The following EXOC6 variants were observed in gnomAD, a reference collection of about 807,000 sequenced individuals.
The protein encoded by EXOC6 is SEC15-like 1.
In EXOC6, 60 loss-of-function variants were observed where a neutral mutation model predicts 112.5. That is an observed-to-expected ratio of 0.53 (90% CI 0.43 to 0.66). The LOEUF (loss-of-function observed/expected upper bound fraction) is 0.66. Ranked by LOEUF, EXOC6 falls within the 30% of genes least tolerant of loss-of-function variation. The pLI is 0.00. For missense variants in EXOC6, 855 were observed against 957.1 expected, an observed-to-expected ratio of 0.89 and a Z score of 1.41; for synonymous variants, 295 against 308.0, an observed-to-expected ratio of 0.96 and a Z score of 0.44.
At chr10:92,941,999 G>A (rs1194951177) in intron 13 of EXOC6, among the ~76,000 whole-genome samples, 1 of 152,076 alleles carries the variant, frequency 6.6e-6, no homozygotes, top group Non-Finnish European at 1.5e-5. Flanking sequence ...AATATTTGAT[G>A]ATATTAAAAT....
intron 20 of EXOC6, among the ~76,000 whole-genome samples, chr10:93,016,898 C>T (rs905566521): frequency 1.3e-5 from 2 of 151,608 alleles, no homozygotes; most frequent in Non-Finnish European, 2.9e-5. Context: ...CTGCAAACTC[C>T]GCCTCCTGGG....
chr10:93,054,976 A>T (rs915699853), intron 20 of EXOC6, among the ~76,000 whole-genome samples: 31 of 152,316 alleles, frequency 2.0e-4, no homozygotes, highest in Admixed American at 6.5e-4. Context: ...AGTTAACCTT[A>T]ATCCCACCAC....
intron 18 of EXOC6, among the ~76,000 whole-genome samples, chr10:92,978,144 T>C (rs2134111597): frequency 6.6e-6 from 1 of 152,304 alleles, no homozygotes; most frequent in Non-Finnish European, 1.5e-5. Context: ...GTACGTTGGC[T>C]CACACCTATA....
At chr10:93,053,269 A>G (rs1846387517) in intron 20 of EXOC6, among the ~76,000 whole-genome samples, 2 of 152,228 alleles carry the variant, frequency 1.3e-5, no homozygotes, top group African/African-American at 4.8e-5. Context: ...AGGCATGGAT[A>G]GCTGCCTGTG....
intron 1 of EXOC6, among the ~76,000 whole-genome samples, chr10:92,827,967 T>G (rs1846413379): frequency 6.6e-6 from 1 of 152,200 alleles, no homozygotes; most frequent in Non-Finnish European, 1.5e-5. Flanking sequence ...CAAATCCTAG[T>G]CAGTAGCATA....
upstream of EXOC6, among the ~76,000 whole-genome samples, chr10:92,847,243 AAT>A (rs1847082532): frequency 6.6e-6 from 1 of 152,250 alleles, no homozygotes; most frequent in African/African-American, 2.4e-5. Context: ...ATGGGACAGC[AAT>A]ATGAGGCAGA....
intron 17 of EXOC6, among the ~76,000 whole-genome samples, chr10:92,956,936 A>G (rs1853725582): frequency 6.6e-6 from 1 of 152,124 alleles, no homozygotes; most frequent in Non-Finnish European, 1.5e-5. Context: ...GCCCAGAGCC[A>G]TTCACTGTAT....
At chr10:92,830,508 T>C (rs1846457807), upstream of EXOC6, among the ~76,000 whole-genome samples, 1 of 152,078 alleles carries the variant, frequency 6.6e-6, no homozygotes, top group Admixed American at 6.6e-5. Flanking sequence ...AAGATCAGCT[T>C]GGGGCAGGAT....
chr10:92,956,927 C>T (rs1012397057), intron 17 of EXOC6, among the ~76,000 whole-genome samples: 1 of 152,114 alleles, frequency 6.6e-6, no homozygotes, highest in Admixed American at 6.5e-5. Flanking sequence ...AGATACTTAG[C>T]CCAGAGCCAT....
At position 93,009,957 on chromosome 10, in the gene EXOC6, G is replaced by A. The variant is rs79885580; in HGVS notation, c.2096-4237G>A. On this transcript the variant is annotated intron_variant, in intron 19 of 21. Coordinates refer to ENST00000260762, the MANE Select transcript of EXOC6 (RefSeq NM_019053.6). ...ACTGGAAGAAGTGGATGGAGAGGTTGCACCAGAAGCAGGGAGATCAGATAG... is the reference window on the plus strand; with the variant it reads ...ACTGGAAGAAGTGGATGGAGAGGTTACACCAGAAGCAGGGAGATCAGATAG... Among the ~76,000 whole-genome samples, 3 of 152,338 alleles carry A rather than the reference G, an allele frequency of 2.0e-5. No individual in the cohort carries two copies. The East Asian group carries it at 5.8e-4, about 29-fold the overall frequency.
chr10:92,994,292 A>G (rs576773745), intron 18 of EXOC6, among the ~76,000 whole-genome samples: 4 of 152,350 alleles, frequency 2.6e-5, no homozygotes, highest in Admixed American at 2.6e-4. Context: ...CCTAGGAGCC[A>G]AATGTCTCTT....
chr10:93,019,929 C>T (rs1317554559), intron 20 of EXOC6, among the ~76,000 whole-genome samples: 7 of 152,226 alleles, frequency 4.6e-5, no homozygotes, highest in Admixed American at 2.0e-4. Context: ...CAGTGAAGTC[C>T]GTTTTTAAAA....
intron 1 of EXOC6, among the ~76,000 whole-genome samples, chr10:92,841,982 A>G (rs948996376): frequency 1.3e-5 from 2 of 152,176 alleles, no homozygotes; most frequent in African/African-American, 4.8e-5. Context: ...CAAGATCTGG[A>G]AAGTCCATGC....
At chr10:92,946,080 G>C (rs1852975368) in intron 13 of EXOC6, among the ~76,000 whole-genome samples, 1 of 151,824 alleles carries the variant, frequency 6.6e-6, no homozygotes, top group Non-Finnish European at 1.5e-5. Context: ...CACCAGGTCA[G>C]GAGATTGAGA....
rs118076762 is a variant in EXOC6 at position 92,885,948 on chromosome 10, C to T, written c.102-7401C>T. 7.9e-3 allele frequency among the ~76,000 whole-genome samples: 1,208 copies of T among 152,094 alleles called. 15 individuals carry two copies. The highest frequency in any genetic ancestry group is 0.013 in the South Asian group (61 of 4,820). On this transcript the variant is annotated intron_variant, in intron 1 of 21. Transcript: ENST00000260762. ...GGAGAATGGAAAGTTTACTAATTTT[C>T]TAATGTTCGCTCTTGCTGGTTCTAG...
intron 20 of EXOC6, among the ~76,000 whole-genome samples, chr10:93,038,431 T>C (rs1845619784): frequency 6.6e-6 from 1 of 152,224 alleles, no homozygotes; most frequent in African/African-American, 2.4e-5. Context: ...AGTCTAATTG[T>C]TTAAGCAGTT....
At chr10:92,837,396 T>A (rs1251879841) in intron 1 of EXOC6, among the ~76,000 whole-genome samples, 1 of 152,204 alleles carries the variant, frequency 6.6e-6, no homozygotes, top group East Asian at 1.9e-4. Context: ...TCTGGCTACA[T>A]GCAGTGGCTC....
chr10:92,927,659 T>G (rs1371849398), intron 8 of EXOC6, among the ~76,000 whole-genome samples: 1 of 152,186 alleles, frequency 6.6e-6, no homozygotes, highest in Non-Finnish European at 1.5e-5. Flanking sequence ...GGAGTTCCAT[T>G]GGACAACACT....
At chr10:92,974,360 T>A (rs1389251482) in intron 18 of EXOC6, 128 bp downstream of exon 18, 5 of 531,288 alleles carry the variant, frequency 9.4e-6, no homozygotes, top group Non-Finnish European at 1.6e-5. Flanking sequence ...TTATTATAAA[T>A]CCATTTGTAA....
Sources: allele counts gnomAD v4.1 joint callset (sites outside exome capture counted in the v4.1 genomes callset), GRCh38; gene constraint gnomAD v4.1.1; transcripts MANE v1.5; gene names NCBI Gene and HGNC (gene_info 2026-07-23, HGNC 2026-07-21).